The following DCLK2 variants were observed in gnomAD, a reference collection of about 807,000 sequenced individuals.
DCLK2 encodes the protein doublecortin like kinase 2, also known as serine/threonine-protein kinase DCLK2.
Under a neutral mutation model 78.4 loss-of-function variants are expected in DCLK2, and 31 were observed. The ratio of observed to expected loss-of-function variants is 0.40; its 90% confidence interval spans 0.30 to 0.53. The LOEUF (loss-of-function observed/expected upper bound fraction) is 0.53. Among genes scored for constraint, DCLK2 ranks in the 20% least tolerant of loss-of-function variants. DCLK2 has a pLI of 0.61. For synonymous variants in DCLK2, 407 were observed against 374.9 expected, an observed-to-expected ratio of 1.09 and a Z score of -0.99; for missense variants, 872 against 973.7, an observed-to-expected ratio of 0.90 and a Z score of 1.39.
chr4:150,130,321 G>A (rs1733214139), intron 2 of DCLK2, among the ~76,000 whole-genome samples: 1 of 152,094 alleles, frequency 6.6e-6, no homozygotes. Context: ...TAGCCAGCCA[G>A]AAGACAGAAG....
intron 6 of DCLK2, among the ~76,000 whole-genome samples, chr4:150,221,365 C>G (rs1031835829): frequency 2.1e-5 from 3 of 146,152 alleles, no homozygotes; most frequent in African/African-American, 7.6e-5. Context: ...CTGCCCCTTT[C>G]TTGAACATCG....
chr4:150,097,932 C>T (rs974624885), intron 1 of DCLK2, among the ~76,000 whole-genome samples: 1 of 152,098 alleles, frequency 6.6e-6, no homozygotes, highest in Non-Finnish European at 1.5e-5. Flanking sequence ...TATCTAAATT[C>T]CCTTTAGCCA....
intron 2 of DCLK2, among the ~76,000 whole-genome samples, chr4:150,125,312 A>C (rs1331874250): frequency 2.0e-5 from 3 of 152,170 alleles, no homozygotes; most frequent in Non-Finnish European, 2.9e-5. Flanking sequence ...TTACCACTCT[A>C]TAATTATTCC....
chr4:150,169,923 C>T (rs755632288), intron 2 of DCLK2, among the ~76,000 whole-genome samples: 1 of 152,002 alleles, frequency 6.6e-6, no homozygotes, highest in African/African-American at 2.4e-5. Context: ...ACAGAACAGC[C>T]GCAGGCCAAA....
At chr4:150,168,171 G>A (rs186559832) in intron 2 of DCLK2, among the ~76,000 whole-genome samples, 143 of 152,148 alleles carry the variant, frequency 9.4e-4, no homozygotes, top group African/African-American at 3.1e-3. Context: ...GTGAAACCCC[G>A]TCTCTACTAA....
At chr4:150,126,589 T>G (rs1173307253) in intron 2 of DCLK2, among the ~76,000 whole-genome samples, 13 of 152,210 alleles carry the variant, frequency 8.5e-5, no homozygotes, top group Admixed American at 8.5e-4. Flanking sequence ...TTAGGTCTTT[T>G]TTTAGGGCTT....
rs1739511914 is a variant in DCLK2, at chr4:150,202,253, G to T, written c.962-1542G>T. 2.0e-5 allele frequency among the ~76,000 whole-genome samples: 3 copies of T among 152,144 alleles called. No homozygotes were observed. In the South Asian group the frequency reaches 6.2e-4, roughly 32 times the overall value. On this transcript the variant is annotated intron_variant, in intron 4 of 15. Transcript: ENST00000296550. ...ATTAATTGAAATTTAACTTGATTGA[G>T]AAGTAATCAGGGCTGTTGAATACTC...
chr4:150,132,952 T>A (rs1242506732), intron 2 of DCLK2, among the ~76,000 whole-genome samples: 1 of 152,212 alleles, frequency 6.6e-6, no homozygotes, highest in Admixed American at 6.5e-5. Context: ...CCAGTCAATA[T>A]ACAAGCTTGT....
At chr4:150,216,025 A>G (rs758241470) in intron 5 of DCLK2, among the ~76,000 whole-genome samples, 1 of 152,256 alleles carries the variant, frequency 6.6e-6, no homozygotes, top group Non-Finnish European at 1.5e-5. Flanking sequence ...GGTAGCTAGC[A>G]TTATACTCAA....
Position 150,131,964 on chromosome 4 carries a change from C to T in DCLK2, c.756+29152C>T, listed in dbSNP as rs1302646509. Reference sequence around the variant, plus strand: ...CTTGTTCAGGAATTACTAAGACATTCAAGACAGCAACAGTATGTTAAACCA... The same window carrying T: ...CTTGTTCAGGAATTACTAAGACATTTAAGACAGCAACAGTATGTTAAACCA... On this transcript the variant is annotated intron_variant, in intron 2 of 15. Coordinates refer to ENST00000296550, the MANE Select transcript of DCLK2 (RefSeq NM_001040260.4). Among the ~76,000 whole-genome samples the T allele has an allele frequency of 4.6e-5, 7 of 152,240 alleles. No homozygotes were observed. In the East Asian group the frequency reaches 1.4e-3, roughly 29 times the overall value.
chr4:150,170,551 A>G (rs1736452223), intron 2 of DCLK2, among the ~76,000 whole-genome samples: 3 of 152,196 alleles, frequency 2.0e-5, no homozygotes, highest in Admixed American at 2.0e-4. Context: ...GAGGATATAC[A>G]TTTGCAGTGC....
In DCLK2 at chr4:150,102,505, A is replaced by T. The variant is rs750149780; in HGVS notation, c.449A>T (p.Glu150Val). ...EGESYVCASN[E>V]PFRKVDYTKN... ...GAGAGTTACGTGTGTGCATCCAATG[A>T]ACCATTTCGTAAAGTCGATTACACC... Residue 150 changes from glutamate (E) to valine (V), a missense_variant, in exon 2 of 16, where the codon GAA (glutamate) becomes GTA (valine). Coordinates refer to ENST00000296550, the MANE Select transcript of DCLK2 (RefSeq NM_001040260.4). 1 of 1,613,860 alleles carries T rather than the reference A, an allele frequency of 6.2e-7. No homozygotes were observed. Among genetic ancestry groups the T allele is most frequent in the South Asian group, 1.1e-5 (1 of 91,064 alleles).
chr4:150,094,216 C>T (rs1011944994), intron 1 of DCLK2, among the ~76,000 whole-genome samples: 1 of 152,128 alleles, frequency 6.6e-6, no homozygotes, highest in African/African-American at 2.4e-5. Flanking sequence ...CTACATCAAA[C>T]TAAAAAGCTT....
intron 15 of DCLK2, among the ~76,000 whole-genome samples, chr4:150,250,153 G>C (rs1217928768): frequency 6.6e-6 from 1 of 152,176 alleles, no homozygotes; most frequent in East Asian, 1.9e-4. Flanking sequence ...ATAAAACACA[G>C]TTTGGGGCTT....
intron 5 of DCLK2, among the ~76,000 whole-genome samples, chr4:150,205,709 TC>T (rs1310246497): frequency 1.1e-4 from 17 of 152,364 alleles, no homozygotes; most frequent in African/African-American, 4.1e-4. Flanking sequence ...GAAGTAACTT[TC>T]AAGAGAACTA....
intron 4 of DCLK2, among the ~76,000 whole-genome samples, chr4:150,202,158 T>C (rs4025876): frequency 0.88 from 133,425 of 152,230 alleles, 58,860 homozygotes; most frequent in Middle Eastern, 0.96. Flanking sequence ...ATTACAGTAT[T>C]GTACAGTCTC....
intron 2 of DCLK2, among the ~76,000 whole-genome samples, chr4:150,103,822 G>A (rs1196596203): frequency 2.0e-5 from 3 of 152,054 alleles, no homozygotes; most frequent in Admixed American, 2.0e-4. Flanking sequence ...GATTCCAGTA[G>A]ATTATGGTAA....
rs560992289 is a variant in DCLK2, at chr4:150,093,565, A to G, written c.422-8913A>G. Among the ~76,000 whole-genome samples, 254 of 152,286 alleles carry G rather than the reference A, an allele frequency of 1.7e-3. 8 individuals are homozygous for G. The South Asian group carries it at 0.051, about 30-fold the overall frequency. ...CCTGGCTAATTTTTGTATTTTTAGTAGAGACAGAGTTTTGCCATGTTGGCC... is the reference window on the plus strand; with the variant it reads ...CCTGGCTAATTTTTGTATTTTTAGTGGAGACAGAGTTTTGCCATGTTGGCC... On this transcript the variant is annotated intron_variant, in intron 1 of 15. Coordinates refer to ENST00000296550, the MANE Select transcript of DCLK2 (RefSeq NM_001040260.4).
intron 12 of DCLK2, among the ~76,000 whole-genome samples, chr4:150,245,535 A>G (rs1247889162): frequency 6.6e-6 from 1 of 151,840 alleles, no homozygotes; most frequent in African/African-American, 2.4e-5. Context: ...ACCCCATGAC[A>G]GGCCCCGGTG....
Sources: allele counts gnomAD v4.1 joint callset (sites outside exome capture counted in the v4.1 genomes callset), GRCh38; gene constraint gnomAD v4.1.1; transcripts MANE v1.5; gene names NCBI Gene and HGNC (gene_info 2026-07-23, HGNC 2026-07-21).